Variants in LRRC4C observed in about 807,000 individuals in gnomAD.
LRRC4C encodes the protein leucine-rich repeat-containing protein 4C.
In LRRC4C, 5 loss-of-function variants were observed where a neutral mutation model predicts 33.6. The observed-to-expected ratio is 0.15, with a 90% CI of 0.08 to 0.31. The LOEUF (loss-of-function observed/expected upper bound fraction) is 0.31, where lower values mean the gene tolerates loss of function less well. Ranked by LOEUF, LRRC4C falls within the 10% of genes least tolerant of loss-of-function variation. The pLI, the probability that LRRC4C is intolerant of heterozygous loss-of-function variation, is 1.00. For missense variants in LRRC4C, 560 were observed against 796.7 expected (o/e 0.70, Z 3.58); for synonymous variants, 329 against 302.0 (o/e 1.09, Z -0.93).
chr11:40,481,444 C>G (rs1434117821), intron 3 of LRRC4C, among the ~76,000 whole-genome samples: 1 of 152,058 alleles, frequency 6.6e-6, no homozygotes, highest in African/African-American at 2.4e-5. Context: ...AACATACATA[C>G]TGGGTGTTAA....
intron 1 of LRRC4C, among the ~76,000 whole-genome samples, chr11:41,266,956 T>C (rs939886802): frequency 1.3e-5 from 2 of 152,140 alleles, no homozygotes; most frequent in African/African-American, 4.8e-5. Context: ...TGCACAACCG[T>C]GTTAAGTGCT....
intron 2 of LRRC4C, among the ~76,000 whole-genome samples, chr11:40,771,220 C>T (rs181250769): frequency 6.6e-6 from 1 of 152,182 alleles, no homozygotes; most frequent in African/African-American, 2.4e-5. Flanking sequence ...GTCTTCTGTG[C>T]ACCCACAGGA....
intron 1 of LRRC4C, among the ~76,000 whole-genome samples, chr11:41,375,010 C>T (rs1253591742): frequency 1.3e-5 from 2 of 151,832 alleles, no homozygotes; most frequent in Non-Finnish European, 2.9e-5. Flanking sequence ...ATCTATGGTC[C>T]CAGCTACTTG....
intron 2 of LRRC4C, among the ~76,000 whole-genome samples, chr11:40,867,525 G>A (rs1954428032): frequency 6.6e-6 from 1 of 152,264 alleles, no homozygotes; most frequent in East Asian, 1.9e-4. Flanking sequence ...TAGTAGTCTA[G>A]ACTTCTGAAA....
chr11:40,407,116 G>T (rs1019153766), intron 3 of LRRC4C, among the ~76,000 whole-genome samples: 1 of 152,072 alleles, frequency 6.6e-6, no homozygotes, highest in Admixed American at 6.6e-5. Flanking sequence ...GAGACTGAGG[G>T]AATCTTATGA....
At chr11:40,467,192 T>C (rs1408989611) in intron 3 of LRRC4C, among the ~76,000 whole-genome samples, 1 of 152,130 alleles carries the variant, frequency 6.6e-6, no homozygotes, top group Non-Finnish European at 1.5e-5. Context: ...AGAAGTGAGA[T>C]ACTTGTATAA....
At chr11:41,386,473 T>A (rs1459900789) in intron 1 of LRRC4C, among the ~76,000 whole-genome samples, 2 of 151,742 alleles carry the variant, frequency 1.3e-5, no homozygotes, top group Non-Finnish European at 3.0e-5. Flanking sequence ...AAATCTAGTA[T>A]CTTAACTGCA....
chr11:41,332,032 A>G (rs536972833), intron 1 of LRRC4C, among the ~76,000 whole-genome samples: 1 of 152,278 alleles, frequency 6.6e-6, no homozygotes, highest in South Asian at 2.1e-4. Context: ...TTTGTTGTTT[A>G]CTATGTAAAA....
intron 1 of LRRC4C, among the ~76,000 whole-genome samples, chr11:41,106,247 TTG>T (rs60022182): frequency 8.7e-5 from 13 of 149,578 alleles, no homozygotes; most frequent in Non-Finnish European, 8.9e-5. Flanking sequence ...GTCTGCGCAT[TTG>T]TGTGTGTGTG....
intron 4 of LRRC4C, among the ~76,000 whole-genome samples, chr11:40,281,718 C>T (rs549670334): frequency 6.6e-5 from 10 of 152,224 alleles, no homozygotes; most frequent in South Asian, 6.2e-4. Flanking sequence ...ATCAGCTGCA[C>T]GGACAATAAG....
At chr11:40,634,904 A>G (rs1187694873) in intron 3 of LRRC4C, among the ~76,000 whole-genome samples, 1 of 152,070 alleles carries the variant, frequency 6.6e-6, no homozygotes, top group East Asian at 1.9e-4. Context: ...AAAAGAAAAA[A>G]GGAAAAAGGA....
intron 2 of LRRC4C, among the ~76,000 whole-genome samples, chr11:40,793,052 G>A (rs1332948188): frequency 2.0e-5 from 3 of 151,714 alleles, no homozygotes; most frequent in African/African-American, 7.3e-5. Context: ...TGAGTTAATG[G>A]GTGCAGCACA....
chr11:40,488,396 T>A (rs980109079), intron 3 of LRRC4C, among the ~76,000 whole-genome samples: 1 of 152,072 alleles, frequency 6.6e-6, no homozygotes, highest in Non-Finnish European at 1.5e-5. Context: ...TGACCCTTAC[T>A]CAGGTCACGA....
At chr11:40,940,612 G>A in intron 1 of LRRC4C, among the ~76,000 whole-genome samples, 1 of 152,094 alleles carries the variant, frequency 6.6e-6, no homozygotes, top group East Asian at 1.9e-4. Flanking sequence ...TTTTCAAACA[G>A]ATATCAAATT....
chr11:40,669,709 T>A (rs1943989984), intron 2 of LRRC4C, among the ~76,000 whole-genome samples: 1 of 152,226 alleles, frequency 6.6e-6, no homozygotes, highest in Non-Finnish European at 1.5e-5. Context: ...CTCACATTTC[T>A]AATTCTGATT....
intron 1 of LRRC4C, among the ~76,000 whole-genome samples, chr11:41,246,599 A>G (rs1948462007): frequency 6.6e-6 from 1 of 152,156 alleles, no homozygotes; most frequent in African/African-American, 2.4e-5. Flanking sequence ...ATGCAGCCCC[A>G]GCCACGCCTC....
At chr11:40,852,151 T>C (rs755129228) in intron 2 of LRRC4C, among the ~76,000 whole-genome samples, 2 of 152,174 alleles carry the variant, frequency 1.3e-5, no homozygotes, top group Middle Eastern at 3.4e-3. Flanking sequence ...TTCCAGATTG[T>C]TTTTAATCCA....
chr11:40,909,217 T>A (rs1262151636), intron 2 of LRRC4C, among the ~76,000 whole-genome samples: 1 of 152,144 alleles, frequency 6.6e-6, no homozygotes, highest in Non-Finnish European at 1.5e-5. Flanking sequence ...TATCATCTCC[T>A]TTTAAATCAA....
intron 3 of LRRC4C, among the ~76,000 whole-genome samples, chr11:40,415,609 T>G (rs1950298867): frequency 6.6e-6 from 1 of 152,136 alleles, no homozygotes; most frequent in South Asian, 2.1e-4. Context: ...TCACTTTGAA[T>G]GTAGAAAAAG....
Sources: allele counts gnomAD v4.1 joint callset (sites outside exome capture counted in the v4.1 genomes callset), GRCh38; gene constraint gnomAD v4.1.1; transcripts MANE v1.5; gene names NCBI Gene and HGNC (gene_info 2026-07-23, HGNC 2026-07-21).